The following ARMC8 variants were observed in gnomAD, a reference collection of about 807,000 sequenced individuals.
ARMC8 encodes the protein armadillo repeat-containing protein 8.
Under a neutral mutation model 99.3 loss-of-function variants are expected in ARMC8, and 20 were observed. The observed-to-expected ratio is 0.20, with a 90% CI of 0.14 to 0.29. ARMC8 has a LOEUF of 0.29. Among genes scored for constraint, ARMC8 ranks in the 10% least tolerant of loss-of-function variants. ARMC8 has a pLI of 1.00. For missense variants in ARMC8, 569 were observed against 809.5 expected (o/e 0.70, Z 3.60); for synonymous variants, 263 against 278.3 (o/e 0.95, Z 0.55).
chr3:138,270,111 G>A lies in ARMC8; in HGVS notation c.1458G>A (p.Val486=), dbSNP rs549098620. The part of the protein sequence containing the change: ...LTQSENPALR[V]NGIWALMNMA... ...AGAGTGAAAATCCTGCTTTACGAGT[G>A]AATGGAATTTGGGCTTTAATGGTAC... The change falls in exon 16 of 22, where the codon GTG becomes GTA. Residue 486 remains valine, a synonymous_variant. Coordinates refer to ENST00000469044, the MANE Select transcript of ARMC8 (RefSeq NM_001363941.2). 1.2e-6 allele frequency: 2 copies of A among 1,612,872 alleles called. No individual in the cohort carries two copies. The highest frequency in any genetic ancestry group is 2.7e-5 in the African/African-American group (2 of 74,990).
At chr3:138,227,959 T>C (rs1187379051) in intron 5 of ARMC8, among the ~76,000 whole-genome samples, 2 of 152,144 alleles carry the variant, frequency 1.3e-5, no homozygotes, top group African/African-American at 2.4e-5. Context: ...TTTAACTCCT[T>C]CTGCTTTCTT....
intron 6 of ARMC8, among the ~76,000 whole-genome samples, chr3:138,234,345 C>G (rs1222026143): frequency 6.6e-6 from 1 of 152,160 alleles, no homozygotes; most frequent in Non-Finnish European, 1.5e-5. Context: ...CTCCCAACCT[C>G]CTGATTCACC....
At chr3:138,193,828 T>C (rs1053613546) in intron 1 of ARMC8, among the ~76,000 whole-genome samples, 1 of 152,218 alleles carries the variant, frequency 6.6e-6, no homozygotes, top group Non-Finnish European at 1.5e-5. Context: ...GCATTACTTA[T>C]TAAAAAATTG....
At chr3:138,293,763 CAT>C (rs1256065838) in intron 21 of ARMC8, among the ~76,000 whole-genome samples, 2 of 152,140 alleles carry the variant, frequency 1.3e-5, no homozygotes, top group African/African-American at 4.8e-5. Flanking sequence ...GGTTTTATCT[CAT>C]ATTTATTCAG....
In ARMC8 at chr3:138,270,037, C is replaced by T. The variant is rs1229539232; in HGVS notation, c.1387-3C>T. On this transcript the variant is annotated splice_region_variant and splice_polypyrimidine_tract_variant and intron_variant, in intron 15 of 21. Transcript: ENST00000469044. ...GATTTTTTTTTTCCCTGTCCAATGG[C>T]AGCCAATTTTGGAATCAGGAGCCGT... 4 of 1,608,416 alleles carry T rather than the reference C, an allele frequency of 2.5e-6. No homozygotes were observed. The highest frequency in any genetic ancestry group is 2.6e-6 in the Non-Finnish European group (3 of 1,175,780).
Position 138,275,746 on chromosome 3 carries a change from G to T in ARMC8, c.1725+1202G>T, listed in dbSNP as rs571770744. Among the ~76,000 whole-genome samples the T allele has an allele frequency of 3.3e-5, 5 of 152,286 alleles. No individual in the cohort carries two copies. In the South Asian group the frequency reaches 1.0e-3, roughly 32 times the overall value. On this transcript the variant is annotated intron_variant, in intron 18 of 21. Transcript: ENST00000469044. ...AAGAACAGTCCAGGAAGTAAGAGTT[G>T]TAGGTCTTAGGAGCTGCAATTGAAT...
Position 138,270,049 on chromosome 3 carries a change from G to A in ARMC8, c.1396G>A (p.Glu466Lys). The A allele has an allele frequency of 3.1e-6, 5 of 1,612,510 alleles. No individual in the cohort carries two copies. The highest frequency in any genetic ancestry group is 4.2e-6 in the Non-Finnish European group (5 of 1,179,090). ...EFSPSKEPIL[E>K]SGAVELLCGL... ...CCCTGTCCAATGGCAGCCAATTTTG[G>A]AATCAGGAGCCGTAGAGCTACTTTG... Residue 466 changes from glutamate to lysine, a missense_variant, in exon 16 of 22, where the codon GAA becomes AAA. Physicochemically the swap from Glu to Lys is moderately conservative, Grantham distance 56 (BLOSUM62 1). This residue lies in a region of ARMC8 where 227 missense variants were observed against 417.9 expected (regional missense o/e 0.54). Transcript: ENST00000469044.
chr3:138,194,182 A>G (rs1036099122), intron 1 of ARMC8, among the ~76,000 whole-genome samples: 3 of 150,608 alleles, frequency 2.0e-5, no homozygotes, highest in Non-Finnish European at 4.4e-5. Flanking sequence ...AGCTGGGACT[A>G]CAGGCACCCA....
intron 1 of ARMC8, among the ~76,000 whole-genome samples, chr3:138,197,476 A>G (rs75613270): frequency 0.05 from 7,596 of 152,262 alleles, 624 homozygotes; most frequent in African/African-American, 0.17. Context: ...AATAATTTCA[A>G]CTATTCTTAT....
chr3:138,274,702 C>A (rs2108314111), intron 18 of ARMC8, among the ~76,000 whole-genome samples, 158 bp downstream of exon 18: 1 of 152,310 alleles, frequency 6.6e-6, no homozygotes, highest in East Asian at 1.9e-4. Flanking sequence ...CCCTTAAACT[C>A]TCTTTAAGAC....
At chr3:138,248,642 A>G (rs571001315) in intron 12 of ARMC8, among the ~76,000 whole-genome samples, 4 of 152,352 alleles carry the variant, frequency 2.6e-5, no homozygotes, top group African/African-American at 9.6e-5. Context: ...CTTCTATGAC[A>G]AATAATTGCT....
intron 1 of ARMC8, among the ~76,000 whole-genome samples, chr3:138,198,808 G>A (rs1229257718): frequency 2.6e-5 from 4 of 151,958 alleles, no homozygotes; most frequent in African/African-American, 7.3e-5. Flanking sequence ...CACTGCGCCC[G>A]GCCATATAGC....
chr3:138,200,707 T>C (rs988549811), intron 1 of ARMC8, among the ~76,000 whole-genome samples: 1 of 152,136 alleles, frequency 6.6e-6, no homozygotes, highest in Non-Finnish European at 1.5e-5. Context: ...GCATACACCC[T>C]TCCCTTTTCT....
At chr3:138,188,182 T>C (rs1410305810) in intron 1 of ARMC8, 3 of 309,952 alleles carry the variant, frequency 9.7e-6, no homozygotes, top group Non-Finnish European at 1.8e-5. Flanking sequence ...TCCTAGTGTG[T>C]GTGGTTTTTT....
rs1344168558 is a variant in ARMC8, at chr3:138,217,496, CAT to C, written c.123-4427_123-4426del. The stretch of plus-strand genomic sequence containing the variant: ...CACGCTTATAATGCTCTAATTTAGA[CAT>C]ATGCTGTGGTAGGCACTGTACATTT... On this transcript the variant is annotated intron_variant, in intron 2 of 21. Coordinates refer to ENST00000469044, the MANE Select transcript of ARMC8 (RefSeq NM_001363941.2). 2.0e-5 allele frequency among the ~76,000 whole-genome samples: 3 copies of C among 150,362 alleles called. No individual in the cohort carries two copies. The East Asian group carries it at 5.9e-4, about 30-fold the overall frequency.
chr3:138,198,403 G>A (rs1342107213), intron 1 of ARMC8, among the ~76,000 whole-genome samples: 2 of 151,768 alleles, frequency 1.3e-5, no homozygotes, highest in African/African-American at 2.4e-5. Context: ...AGGCTGGCTT[G>A]CCCACTGTAA....
intron 17 of ARMC8, among the ~76,000 whole-genome samples, chr3:138,273,497 C>G (rs2048975988): frequency 1.3e-5 from 2 of 152,168 alleles, no homozygotes; most frequent in African/African-American, 4.8e-5. Flanking sequence ...TTAGAGAATT[C>G]TCAGAGCCAT....
chr3:138,235,136 C>T (rs981445096), intron 7 of ARMC8, 22 bp downstream of exon 7: 75 of 1,554,186 alleles, frequency 4.8e-5, no homozygotes, highest in Non-Finnish European at 6.1e-5. Context: ...AAAATTGTGG[C>T]CAGATTTGTA....
At chr3:138,187,730 G>A in intron 1 of ARMC8, 131 bp downstream of exon 1, 1 of 1,020,922 alleles carries the variant, frequency 9.8e-7, no homozygotes. Flanking sequence ...CTCGGGCCAG[G>A]GAGTGAGCGA....
Sources: allele counts gnomAD v4.1 joint callset (sites outside exome capture counted in the v4.1 genomes callset), GRCh38; gene constraint gnomAD v4.1.1; regional missense constraint gnomAD v4.1.1; transcripts MANE v1.5; gene names NCBI Gene and HGNC (gene_info 2026-07-23, HGNC 2026-07-21).